The following NTM variants were observed in gnomAD, a reference collection of about 807,000 sequenced individuals.
The protein encoded by NTM is neurotrimin, also known as IgLON family member 2.
In NTM, 13 loss-of-function variants were observed where a neutral mutation model predicts 42.1. The ratio of observed to expected loss-of-function variants is 0.31; its 90% CI spans 0.20 to 0.49. The LOEUF is 0.49. Ranked by LOEUF, NTM falls within the 20% of genes least tolerant of loss-of-function variation. The pLI is 0.99. For synonymous variants in NTM, 187 were observed against 179.2 expected (o/e 1.04, Z -0.35); for missense variants, 373 against 452.8 (o/e 0.82, Z 1.60).
intron 4 of NTM, among the ~76,000 whole-genome samples, chr11:132,276,054 A>AT (rs964724544): frequency 1.6e-4 from 23 of 148,362 alleles, no homozygotes; most frequent in South Asian, 8.5e-4. Context: ...TTGACTTTTA[A>AT]TTTTTTTTTT....
chr11:132,117,691 T>C (rs2064104433), intron 2 of NTM, among the ~76,000 whole-genome samples: 2 of 152,260 alleles, frequency 1.3e-5, no homozygotes, highest in Admixed American at 1.3e-4. Context: ...GCATTGGATT[T>C]ACTCTCTGAT....
chr11:132,320,848 C>T (rs969488009), intron 7 of NTM, among the ~76,000 whole-genome samples: 5 of 149,414 alleles, frequency 3.3e-5, no homozygotes, highest in Admixed American at 6.7e-5. Flanking sequence ...CAGACTGCCT[C>T]CTCAAGTGGG....
At chr11:132,233,080 G>A (rs1465430683) in intron 4 of NTM, among the ~76,000 whole-genome samples, 1 of 152,198 alleles carries the variant, frequency 6.6e-6, no homozygotes, top group Non-Finnish European at 1.5e-5. Flanking sequence ...GAATCAAAAG[G>A]TAAATCACTG....
At chr11:131,935,537 G>A (rs1448950445) in intron 2 of NTM, among the ~76,000 whole-genome samples, 2 of 152,114 alleles carry the variant, frequency 1.3e-5, no homozygotes, top group African/African-American at 4.8e-5. Context: ...ACATGCATGA[G>A]TGTGCACGCA....
At chr11:131,569,060 C>CATCT (rs1414048826) in intron 1 of NTM, among the ~76,000 whole-genome samples, 1 of 152,196 alleles carries the variant, frequency 6.6e-6, no homozygotes, top group Non-Finnish European at 1.5e-5. Context: ...ATTCCTTAGG[C>CATCT]ATCTACTCCT....
chr11:132,124,043 T>C (rs1161362268), intron 2 of NTM, among the ~76,000 whole-genome samples: 1 of 152,200 alleles, frequency 6.6e-6, no homozygotes, highest in East Asian at 1.9e-4. Context: ...AAAGTGGAGA[T>C]ATTTTTGTTT....
intron 1 of NTM, among the ~76,000 whole-genome samples, chr11:131,674,713 G>T (rs2071056532): frequency 6.6e-6 from 1 of 152,078 alleles, no homozygotes; most frequent in Non-Finnish European, 1.5e-5. Context: ...ATTGTTATTT[G>T]CAAGCCTGAT....
At chr11:132,226,693 T>C (rs538771624) in intron 4 of NTM, among the ~76,000 whole-genome samples, 60 of 152,166 alleles carry the variant, frequency 3.9e-4, no homozygotes, top group Non-Finnish European at 7.1e-4. Flanking sequence ...GGTATGCCAG[T>C]TAGAATACTG....
chr11:132,211,216 C>T (rs1215707161), intron 3 of NTM, among the ~76,000 whole-genome samples: 1 of 152,164 alleles, frequency 6.6e-6, no homozygotes, highest in Admixed American at 6.5e-5. Flanking sequence ...CCAGTCTGGG[C>T]ACATGGCAAA....
chr11:132,157,506 C>G (rs1201401670), intron 3 of NTM, among the ~76,000 whole-genome samples: 1 of 152,106 alleles, frequency 6.6e-6, no homozygotes, highest in Non-Finnish European at 1.5e-5. Flanking sequence ...GGTATGGAAG[C>G]AGGGAGGGAA....
chr11:131,525,082 CAG>C (rs2050276521), intron 1 of NTM, among the ~76,000 whole-genome samples: 1 of 151,722 alleles, frequency 6.6e-6, no homozygotes, highest in Non-Finnish European at 1.5e-5. Context: ...GAGTAATTCT[CAG>C]GGGGCGGGTA....
At chr11:131,819,335 G>T (rs1223895122) in intron 1 of NTM, among the ~76,000 whole-genome samples, 1 of 152,164 alleles carries the variant, frequency 6.6e-6, no homozygotes, top group Admixed American at 6.5e-5. Context: ...TTGGTTTGGG[G>T]TCAGGTCTGG....
chr11:131,405,116 G>A (rs970230334), intron 1 of NTM, among the ~76,000 whole-genome samples: 1 of 152,164 alleles, frequency 6.6e-6, no homozygotes, highest in African/African-American at 2.4e-5. Flanking sequence ...ACCTAAGGCA[G>A]GGAGAAATGG....
At chr11:131,919,072 CA>C (rs1281108575) in intron 2 of NTM, among the ~76,000 whole-genome samples, 1 of 151,526 alleles carries the variant, frequency 6.6e-6, no homozygotes, top group African/African-American at 2.4e-5. Flanking sequence ...ATCTGGATGC[CA>C]TAGCACCAGG....
At chr11:131,602,590 G>A (rs2060583910) in intron 1 of NTM, among the ~76,000 whole-genome samples, 1 of 152,062 alleles carries the variant, frequency 6.6e-6, no homozygotes, top group Non-Finnish European at 1.5e-5. Flanking sequence ...ACTCTCCCTA[G>A]GTGATCTCAT....
intron 1 of NTM, among the ~76,000 whole-genome samples, chr11:131,665,860 C>G (rs1366694218): frequency 5.3e-5 from 8 of 152,186 alleles, no homozygotes; most frequent in Non-Finnish European, 1.0e-4. Flanking sequence ...CCATGTTGAT[C>G]CCCAGTTTCC....
In NTM at chr11:131,504,070, G is replaced by A. The variant is rs553020440; in HGVS notation, c.82+133182G>A. Among the ~76,000 whole-genome samples the A allele has an allele frequency of 2.0e-5, 3 of 152,234 alleles. No individual in the cohort carries two copies. In the East Asian group the frequency reaches 5.8e-4, roughly 30 times the overall value. On this transcript the variant is annotated intron_variant, in intron 1 of 8. Transcript: ENST00000683400. ...CCAGCTGTCTCTGACCCACACTTCT[G>A]AGGACTGCTCATCCAGGGCTCCCTG...
intron 7 of NTM, among the ~76,000 whole-genome samples, chr11:132,322,291 G>A (rs1411774640): frequency 6.6e-6 from 1 of 151,866 alleles, no homozygotes; most frequent in African/African-American, 2.4e-5. Flanking sequence ...CCCATCTCAT[G>A]TGCAGAGACA....
At chr11:131,397,809 A>G (rs1591555605) in intron 1 of NTM, among the ~76,000 whole-genome samples, 1 of 152,152 alleles carries the variant, frequency 6.6e-6, no homozygotes, top group Admixed American at 6.5e-5. Flanking sequence ...TCTTACAGGG[A>G]CAGCCATACT....
Sources: allele counts gnomAD v4.1 joint callset (sites outside exome capture counted in the v4.1 genomes callset), GRCh38; gene constraint gnomAD v4.1.1; transcripts MANE v1.5; gene names NCBI Gene and HGNC (gene_info 2026-07-23, HGNC 2026-07-21).